The following SYNCRIP variants were observed in gnomAD, a reference collection of about 807,000 sequenced individuals.
SYNCRIP encodes heterogeneous nuclear ribonucleoprotein Q.
A neutral mutation model predicts 68.9 loss-of-function variants in SYNCRIP; 9 were observed. That is an observed-to-expected ratio of 0.13 (90% confidence interval 0.08 to 0.23). The LOEUF (loss-of-function observed/expected upper bound fraction) is 0.23, where lower values mean the gene tolerates loss of function less well. SYNCRIP is among the 10% of genes least tolerant of loss of function. The pLI is 1.00. For synonymous variants in SYNCRIP, 258 were observed against 254.0 expected, an observed-to-expected ratio of 1.02 and a Z score of -0.15; for missense variants, 414 against 770.6, an observed-to-expected ratio of 0.54 and a Z score of 5.48.
chr6:85,608,849 G>A (rs966905003), exon 12 of SYNCRIP: 1 of 151,928 alleles, frequency 6.6e-6, no homozygotes, highest in Non-Finnish European at 1.5e-5. Context: ...GGCAGACTGT[G>A]GTGCTAATAG....
chr6:85,618,975 C>T, intron 9 of SYNCRIP, 36 bp from the exon 10 acceptor site: 3 of 1,567,512 alleles, frequency 1.9e-6, no homozygotes, highest in Non-Finnish European at 2.6e-6. Flanking sequence ...AAAAATAGGA[C>T]TTTCATACAA....
chr6:85,627,052 G>T (rs546389268), intron 6 of SYNCRIP, among the ~76,000 whole-genome samples: 2 of 152,028 alleles, frequency 1.3e-5, no homozygotes, highest in Non-Finnish European at 2.9e-5. Flanking sequence ...AATTGCCTAA[G>T]CTCAGGAGTT....
At chr6:85,642,370 GC>G (rs1428702295) in intron 1 of SYNCRIP, among the ~76,000 whole-genome samples, 5 of 152,278 alleles carry the variant, frequency 3.3e-5, no homozygotes, top group African/African-American at 1.2e-4. Flanking sequence ...TGCGACGCCT[GC>G]CCGGCAACCC....
chr6:85,641,420 T>A lies in SYNCRIP; in HGVS notation c.20A>T (p.Asn7Ile). ...CATGGGCTCTTCAGTACCATTTCCATTAACATGTTCTGTAGCCATGTTTCC... is the reference window on the plus strand; with the variant it reads ...CATGGGCTCTTCAGTACCATTTCCAATAACATGTTCTGTAGCCATGTTTCC... MATEHV[N>I]GNGTEEPMDT... Residue 7 changes from asparagine (N) to isoleucine (I), a missense_variant, in exon 2 of 11, where the codon AAT becomes ATT. Asn to Ile is a moderately radical substitution (Grantham distance 149, BLOSUM62 -3). Transcript: ENST00000369622. 6.2e-7 allele frequency: 1 copy of A among 1,613,630 alleles called. No individual in the cohort carries two copies. Among genetic ancestry groups the A allele is most frequent in the East Asian group, 2.2e-5 (1 of 44,878 alleles).
At chr6:85,633,938 A>G (rs1415667825) in intron 6 of SYNCRIP, among the ~76,000 whole-genome samples, 1 of 152,208 alleles carries the variant, frequency 6.6e-6, no homozygotes, top group Non-Finnish European at 1.5e-5. Context: ...ATCTTTTAAA[A>G]GACAACAAAA....
chr6:85,625,961 C>T (rs1283833948), intron 6 of SYNCRIP, among the ~76,000 whole-genome samples: 1 of 152,132 alleles, frequency 6.6e-6, no homozygotes, highest in Non-Finnish European at 1.5e-5. Flanking sequence ...ACTGGGTAGA[C>T]AGAAGGATGC....
intron 4 of SYNCRIP, among the ~76,000 whole-genome samples, 196 bp downstream of exon 4, chr6:85,640,025 T>TG (rs1269214992): frequency 6.6e-6 from 1 of 152,182 alleles, no homozygotes; most frequent in Non-Finnish European, 1.5e-5. Flanking sequence ...CATCAGTAGC[T>TG]GGATAACATG....
At chr6:85,641,175 A>G (rs1809097754) in intron 2 of SYNCRIP, 117 bp downstream of exon 2, 2 of 757,364 alleles carry the variant, frequency 2.6e-6, no homozygotes, top group Non-Finnish European at 4.3e-6. Flanking sequence ...CTATCACAAC[A>G]AGCAAAACTC....
At chr6:85,610,837 T>C (rs1298484836), downstream of SYNCRIP, 1 of 152,028 alleles carries the variant, frequency 6.6e-6, no homozygotes, top group East Asian at 1.9e-4. Flanking sequence ...TAGAATGAAA[T>C]GTAAATGTTT....
chr6:85,628,309 G>C (rs1247003944), intron 6 of SYNCRIP, among the ~76,000 whole-genome samples: 1 of 152,206 alleles, frequency 6.6e-6, no homozygotes, highest in African/African-American at 2.4e-5. Flanking sequence ...GCCCGCCTCA[G>C]CCTCCCAAAA....
Position 85,640,428 on chromosome 6 carries a change from C to T in SYNCRIP, c.267+18G>A. On this transcript the variant is annotated intron_variant, in intron 3 of 10. Coordinates refer to ENST00000369622, the MANE Select transcript of SYNCRIP (RefSeq NM_006372.5). ...AACTACTCAAATTTTTTAATTTTCA[C>T]ATTGACATTAACATTACCTGAACAT... 1 of 1,589,644 alleles carries T rather than the reference C, an allele frequency of 6.3e-7. No individual in the cohort carries two copies. Among genetic ancestry groups the T allele is most frequent in the Non-Finnish European group, 8.6e-7 (1 of 1,165,148 alleles).
intron 4 of SYNCRIP, among the ~76,000 whole-genome samples, chr6:85,638,380 C>CAAAAAAAAAAAAAAAAAAAAA: frequency 2.3e-5 from 1 of 42,848 alleles, no homozygotes; most frequent in Non-Finnish European, 3.9e-5. Flanking sequence ...GACCCCATCT[C>CAAAAAAAAAAAAAAAAAAAAA]AAAAAAAAAA....
intron 4 of SYNCRIP, among the ~76,000 whole-genome samples, chr6:85,639,163 A>C (rs1164404977): frequency 6.6e-6 from 1 of 152,128 alleles, no homozygotes; most frequent in African/African-American, 2.4e-5. Flanking sequence ...AGCCAAGATC[A>C]CGCCACTGCA....
intron 8 of SYNCRIP, among the ~76,000 whole-genome samples, chr6:85,621,868 T>C (rs1185075711): frequency 1.3e-5 from 2 of 148,792 alleles, no homozygotes; most frequent in African/African-American, 2.6e-5. Flanking sequence ...AAAACTCAAA[T>C]TGCTCTTAAA....
chr6:85,640,467 G>A lies in SYNCRIP; in HGVS notation c.246C>T (p.Asp82=). The A allele has an allele frequency of 1.9e-6, 3 of 1,605,978 alleles. No individual in the cohort carries two copies. Among genetic ancestry groups the A allele is most frequent in the Non-Finnish European group, 1.7e-6 (2 of 1,177,176 alleles). ...GALAVLQQFK[D]SDLSHVQNKS... is the part of the protein sequence containing the mutation. ...TTACCTGAACATGAGAGAGATCACT[G>A]TCTTTAAACTGTTGAAGAACTGCCA... The change falls in exon 3 of 11, where the codon GAC becomes GAT. Residue 82 remains aspartate, a synonymous_variant. Coordinates refer to ENST00000369622, the MANE Select transcript of SYNCRIP (RefSeq NM_006372.5).
intron 6 of SYNCRIP, among the ~76,000 whole-genome samples, chr6:85,635,774 C>CAAAAAAAAAAA (rs58599854): frequency 2.4e-4 from 19 of 78,898 alleles, no homozygotes; most frequent in African/African-American, 8.5e-4. Flanking sequence ...TTCTATCTCC[C>CAAAAAAAAAAA]AAAAAAAAAA....
chr6:85,623,560 T>TA (rs1562087491), intron 7 of SYNCRIP, among the ~76,000 whole-genome samples: 1 of 43,804 alleles, frequency 2.3e-5, no homozygotes, highest in Non-Finnish European at 3.2e-5. Context: ...CAAGACTGTC[T>TA]CCAAAAAAAA....
rs755381363 is a variant in SYNCRIP at position 85,615,078 on chromosome 6, G to A, written c.1550C>T (p.Pro517Leu). Residue 517 changes from proline to leucine, a missense_variant, in exon 11 of 11, where the codon CCC (proline) becomes CTC (leucine). Pro to Leu is a moderately conservative substitution (Grantham distance 98, BLOSUM62 -3). Transcript: ENST00000369622. ...CTGTGAATAACCGGCTCTACCGCGG[G>A]GAGGAGCAGCCCCACGACCTCTGGA... ...APSRGRGAAPPRGRAGYSQRG... is the reference protein window; with the variant it reads ...APSRGRGAAPLRGRAGYSQRG... 1.2e-6 allele frequency: 2 copies of A among 1,613,946 alleles called. No homozygotes were observed. The highest frequency in any genetic ancestry group is 1.1e-5 in the South Asian group (1 of 91,082).
intron 4 of SYNCRIP, among the ~76,000 whole-genome samples, chr6:85,638,088 T>G (rs747526917): frequency 6.6e-6 from 1 of 152,078 alleles, no homozygotes; most frequent in Non-Finnish European, 1.5e-5. Context: ...TAGAAAGAAG[T>G]ATAGGCTGGG....
Sources: allele counts gnomAD v4.1 joint callset (sites outside exome capture counted in the v4.1 genomes callset), GRCh38; gene constraint gnomAD v4.1.1; transcripts MANE v1.5; gene names NCBI Gene and HGNC (gene_info 2026-07-23, HGNC 2026-07-21).